MYO18B: variants seen among roughly 807,000 people sequenced by gnomAD.
The protein encoded by MYO18B is myosin XVIIIB.
In MYO18B, 204 loss-of-function variants were observed where a neutral mutation model predicts 273.0. The observed-to-expected ratio is 0.75, with a 90% CI of 0.67 to 0.84. MYO18B has a LOEUF of 0.84. MYO18B is among the 40% of genes least tolerant of loss of function. MYO18B has a pLI of 0.00. For missense variants in MYO18B, 3,212 were observed against 3,287.6 expected (o/e 0.98, Z 0.56); for synonymous variants, 1,330 against 1,305.7 (o/e 1.02, Z -0.40).
chr22:25,772,492 G>A lies in MYO18B; in HGVS notation c.1851G>A (p.Ser617=), dbSNP rs1167788942. The A allele has an allele frequency of 8.1e-6, 13 of 1,613,746 alleles. No individual in the cohort carries two copies. The highest frequency in any genetic ancestry group is 1.7e-4 in the Middle Eastern group (1 of 5,924). ...DLIVLQPRGP[S]VPSAGKVPKG... The stretch of plus-strand genomic sequence containing the variant: ...TTGTCCTCCAGCCCCGGGGGCCCTC[G>A]GTGCCTTCTGCAGGGAAGGTGAGGT... Residue 617 remains serine, a synonymous_variant, in exon 7 of 44, where the codon TCG becomes TCA. Transcript: ENST00000335473.
the MYO18B span, among the ~76,000 whole-genome samples, chr22:26,058,621 G>T: frequency 6.6e-6 from 1 of 152,140 alleles, no homozygotes; most frequent in East Asian, 1.9e-4. Flanking sequence ...ATGGCTTTGC[G>T]CTGTCCTCAT....
chr22:25,833,055 C>G (rs2089771300), intron 16 of MYO18B, 58 bp downstream of exon 16: 1 of 1,511,050 alleles, frequency 6.6e-7, no homozygotes, highest in African/African-American at 1.4e-5. Context: ...TATTGAAATG[C>G]TGGTGGATTT....
At chr22:25,869,469 AAAAAGAAGG>A (rs1490142432) in intron 22 of MYO18B, among the ~76,000 whole-genome samples, 3 of 144,132 alleles carry the variant, frequency 2.1e-5, no homozygotes, top group East Asian at 2.0e-4. Context: ...AAAAAAAAAA[AAAAAGAAGG>A]AAGGAAGGAA....
At chr22:26,026,322 G>A (rs868409039) in intron 42 of MYO18B, 123 bp from the exon 43 acceptor site, 90 of 1,102,688 alleles carry the variant, frequency 8.2e-5, no homozygotes, top group Middle Eastern at 2.3e-4. Context: ...TTGAGAGTGC[G>A]GTAGGGATGG....
chr22:25,848,855 T>C, intron 20 of MYO18B, among the ~76,000 whole-genome samples: 1 of 152,104 alleles, frequency 6.6e-6, no homozygotes, highest in Non-Finnish European at 1.5e-5. Flanking sequence ...GAGCACCTCA[T>C]TTGGTTAAAG....
At chr22:25,823,378 A>G (rs978667360) in intron 12 of MYO18B, 127 bp from the exon 13 acceptor site, 6 of 1,062,284 alleles carry the variant, frequency 5.6e-6, no homozygotes, top group South Asian at 1.7e-5. Flanking sequence ...CAGTTGTCCA[A>G]GCTCCCGGCT....
At chr22:25,805,410 C>T (rs1202551694) in intron 12 of MYO18B, among the ~76,000 whole-genome samples, 12 of 152,186 alleles carry the variant, frequency 7.9e-5, no homozygotes, top group Admixed American at 7.9e-4. Context: ...TCAGGTTGGA[C>T]CAGGGCAAGA....
At chr22:25,986,417 A>C (rs2093203071) in intron 39 of MYO18B, among the ~76,000 whole-genome samples, 1 of 152,234 alleles carries the variant, frequency 6.6e-6, no homozygotes, top group African/African-American at 2.4e-5. Flanking sequence ...ATCTTACCAC[A>C]GAGAGATAAT....
At chr22:25,829,517 T>C (rs2089626580) in intron 15 of MYO18B, among the ~76,000 whole-genome samples, 1 of 115,622 alleles carries the variant, frequency 8.6e-6, no homozygotes, top group Non-Finnish European at 2.0e-5. Context: ...GCCCTTCTTT[T>C]TTCATAAAAA....
At chr22:25,891,522 C>T (rs2091661633) in intron 27 of MYO18B, 110 bp downstream of exon 27, 3 of 694,764 alleles carry the variant, frequency 4.3e-6, no homozygotes, top group Non-Finnish European at 7.5e-6. Flanking sequence ...GCATGAGGGG[C>T]TGCGACTTTG....
chr22:26,032,739 T>G (rs1569316329), downstream of MYO18B, among the ~76,000 whole-genome samples: 1 of 152,072 alleles, frequency 6.6e-6, no homozygotes, highest in Non-Finnish European at 1.5e-5. Context: ...GTCAGGCTGG[T>G]CTTGAACTCC....
chr22:26,046,890 G>C, the MYO18B span, among the ~76,000 whole-genome samples: 2 of 152,182 alleles, frequency 1.3e-5, no homozygotes, highest in South Asian at 2.1e-4. Flanking sequence ...CACCTTACGC[G>C]CATGGCTGGT....
At chr22:25,997,077 C>T (rs2003833) in intron 40 of MYO18B, among the ~76,000 whole-genome samples, 52,424 of 151,732 alleles carry the variant, frequency 0.35, 10,095 homozygotes, top group Middle Eastern at 0.44. Context: ...AATCCCAACA[C>T]TTTGGGAGGC....
intron 39 of MYO18B, among the ~76,000 whole-genome samples, chr22:25,988,706 C>T (rs578121535): frequency 3.5e-4 from 54 of 152,206 alleles, no homozygotes; most frequent in Non-Finnish European, 6.5e-4. Context: ...CTTCCTGAGA[C>T]TCCTTCTCCT....
Position 25,823,617 on chromosome 22 carries a change from C to T in MYO18B, c.2634C>T (p.Ile878=), listed in dbSNP as rs866173516. The change falls in exon 13 of 44, where the codon ATC becomes ATT. Residue 878 remains isoleucine, a synonymous_variant. Coordinates refer to ENST00000335473, the MANE Select transcript of MYO18B (RefSeq NM_032608.7). ...TATFKHHLRQ[I]IQQMTFGPSR... is the part of the protein sequence containing the mutation. ...CCTTCAAGCACCACCTTCGACAGATCATCCAGCAAATGACGTTTGGGCCAA... is the reference window on the plus strand; with the variant it reads ...CCTTCAAGCACCACCTTCGACAGATTATCCAGCAAATGACGTTTGGGCCAA... 4 of 1,613,988 alleles carry T rather than the reference C, an allele frequency of 2.5e-6. No homozygotes were observed. Among genetic ancestry groups the T allele is most frequent in the Non-Finnish European group, 3.4e-6 (4 of 1,179,886 alleles).
rs951782011 is a variant in MYO18B, at chr22:25,816,666, G to A, written c.2522-6839G>A. 2.6e-5 allele frequency among the ~76,000 whole-genome samples: 4 copies of A among 152,182 alleles called. No homozygotes were observed. In the South Asian group the frequency reaches 8.3e-4, roughly 32 times the overall value. On this transcript the variant is annotated intron_variant, in intron 12 of 43. Transcript: ENST00000335473. ...ATTCGTTCTTCACAAGCACTCCATG[G>A]AGTGAATTCTGTTCGTCATTCCCAT...
At chr22:26,054,039 G>A in the MYO18B span, among the ~76,000 whole-genome samples, 1 of 152,162 alleles carries the variant, frequency 6.6e-6, no homozygotes, top group Non-Finnish European at 1.5e-5. Context: ...CCAACAGGAA[G>A]GGCTATGAAA....
At chr22:25,901,121 A>G (rs1193685659) in intron 29 of MYO18B, 3 of 152,230 alleles carry the variant, frequency 2.0e-5, no homozygotes, top group African/African-American at 7.2e-5. Flanking sequence ...ACCAACAGCC[A>G]ATCAGAAAGC....
chr22:25,794,198 C>G (rs1185426281), intron 11 of MYO18B, among the ~76,000 whole-genome samples: 1 of 151,842 alleles, frequency 6.6e-6, no homozygotes, highest in Non-Finnish European at 1.5e-5. Flanking sequence ...TCCCAAAATG[C>G]TGGGATTACA....
Sources: allele counts gnomAD v4.1 joint callset (sites outside exome capture counted in the v4.1 genomes callset), GRCh38; gene constraint gnomAD v4.1.1; transcripts MANE v1.5; gene names NCBI Gene and HGNC (gene_info 2026-07-23, HGNC 2026-07-21).